The following NME7 variants were observed in gnomAD, a reference collection of about 807,000 sequenced individuals.
The protein encoded by NME7 is nucleoside diphosphate kinase 7.
Under a neutral mutation model 49.1 loss-of-function variants are expected in NME7, and 41 were observed. That is an observed-to-expected ratio of 0.83 (90% CI 0.65 to 1.08). The LOEUF (loss-of-function observed/expected upper bound fraction) is 1.08, where lower values mean the gene tolerates loss of function less well. Among genes scored for constraint, NME7 ranks in the 50% least tolerant of loss-of-function variants. The pLI is 0.00. For synonymous variants in NME7, 139 were observed against 150.6 expected (o/e 0.92, Z 0.56); for missense variants, 423 against 463.4 (o/e 0.91, Z 0.80).
intron 7 of NME7, among the ~76,000 whole-genome samples, chr1:169,252,018 C>A (rs1648647784): frequency 1.3e-5 from 2 of 149,384 alleles, no homozygotes; most frequent in African/African-American, 2.5e-5. Flanking sequence ...CCGCAATAAA[C>A]ATACGTGTGC....
intron 7 of NME7, among the ~76,000 whole-genome samples, chr1:169,279,351 C>T (rs1649898716): frequency 6.6e-6 from 1 of 152,228 alleles, no homozygotes; most frequent in African/African-American, 2.4e-5. Context: ...CCAGTTCGAG[C>T]TTCCAGGCTG....
chr1:169,239,071 C>A (rs982143551), intron 7 of NME7, among the ~76,000 whole-genome samples: 3 of 151,954 alleles, frequency 2.0e-5, no homozygotes, highest in Admixed American at 6.6e-5. Flanking sequence ...CAAAAAGAAA[C>A]ACTGCCAAAA....
At chr1:169,179,149 TA>T (rs1245500109) in intron 10 of NME7, among the ~76,000 whole-genome samples, 4 of 152,134 alleles carry the variant, frequency 2.6e-5, no homozygotes, top group Non-Finnish European at 5.9e-5. Context: ...AGTGAAGTTA[TA>T]AAAGTACCAT....
At chr1:169,247,574 C>T (rs1284609068) in intron 7 of NME7, among the ~76,000 whole-genome samples, 1 of 152,026 alleles carries the variant, frequency 6.6e-6, no homozygotes, top group Non-Finnish European at 1.5e-5. Flanking sequence ...GATTTTAGTG[C>T]ACCCATCATC....
chr1:169,298,624 C>T lies in NME7; in HGVS notation c.580G>A (p.Ala194Thr), dbSNP rs1171523177. The change falls in exon 6 of 12, where the codon GCC becomes ACC. Residue 194 changes from alanine to threonine, a missense_variant. Transcript: ENST00000367811. Reference sequence around the variant, plus strand: ...CTTATGCCATCTGTTCCAAAGAGGGCTCTAATGCTTTCAGAAGCATCTGTG... The same window carrying T: ...CTTATGCCATCTGTTCCAAAGAGGGTTCTAATGCTTTCAGAAGCATCTGTG... ...ARTDASESIR[A>T]LFGTDGIRNA... is the part of the protein sequence containing the mutation. 6 of 1,613,886 alleles carry T rather than the reference C, an allele frequency of 3.7e-6. No individual in the cohort carries two copies. Among genetic ancestry groups the T allele is most frequent in the Non-Finnish European group, 5.1e-6 (6 of 1,179,936 alleles).
At chr1:169,162,071 C>T (rs375434189) in intron 11 of NME7, among the ~76,000 whole-genome samples, 3 of 152,222 alleles carry the variant, frequency 2.0e-5, no homozygotes, top group East Asian at 1.9e-4. Context: ...ACAAGAGGAC[C>T]GTTTTCTACA....
intron 1 of NME7, among the ~76,000 whole-genome samples, chr1:169,343,490 T>A (rs1164426514): frequency 1.3e-5 from 2 of 151,206 alleles, no homozygotes; most frequent in Non-Finnish European, 2.9e-5. Flanking sequence ...CATTACATTG[T>A]CTCTTTTTTT....
intron 10 of NME7, among the ~76,000 whole-genome samples, chr1:169,187,501 A>G (rs1200077): frequency 0.64 from 96,540 of 151,946 alleles, 30,977 homozygotes; most frequent in East Asian, 0.93. Context: ...ATTATGTAAT[A>G]CCCTTCTTTG....
chr1:169,339,955 T>G (rs1332107349), intron 1 of NME7, among the ~76,000 whole-genome samples: 1 of 152,226 alleles, frequency 6.6e-6, no homozygotes, highest in Non-Finnish European at 1.5e-5. Context: ...CCATTACAGC[T>G]GCTCTCTGGT....
intron 11 of NME7, among the ~76,000 whole-genome samples, chr1:169,147,229 T>G (rs1658783111): frequency 6.6e-6 from 1 of 152,240 alleles, no homozygotes; most frequent in East Asian, 1.9e-4. Flanking sequence ...AGTAAATATC[T>G]AATCATTCTA....
chr1:169,154,529 C>G (rs1659007753), intron 11 of NME7, among the ~76,000 whole-genome samples: 1 of 151,808 alleles, frequency 6.6e-6, no homozygotes, highest in Admixed American at 6.6e-5. Context: ...AATCAGAGGC[C>G]AAGCACGGTG....
intron 6 of NME7, among the ~76,000 whole-genome samples, chr1:169,297,174 A>G (rs1441591990): frequency 2.6e-5 from 4 of 151,976 alleles, no homozygotes; most frequent in Admixed American, 2.0e-4. Flanking sequence ...GGGTTTTACC[A>G]TATTGGCCAG....
At chr1:169,353,515 C>T (rs186843597) in intron 1 of NME7, among the ~76,000 whole-genome samples, 1 of 152,048 alleles carries the variant, frequency 6.6e-6, no homozygotes, top group African/African-American at 2.4e-5. Flanking sequence ...CACCACCACA[C>T]AGGCACAGGC....
intron 1 of NME7, among the ~76,000 whole-genome samples, chr1:169,344,719 T>C (rs1007718425): frequency 6.6e-6 from 1 of 152,214 alleles, no homozygotes; most frequent in Admixed American, 6.5e-5. Flanking sequence ...CACTGGATCA[T>C]GGTATATAAT....
In NME7 at chr1:169,347,783, G is replaced by A. The variant is rs915799552; in HGVS notation, c.3+19925C>T. ...TTACTGCCACGTGTTAGAAAAATAC[G>A]TAATAAATAAGAATATCAGCAACTC... On this transcript the variant is annotated intron_variant, in intron 1 of 11. Transcript: ENST00000367811. Among the ~76,000 whole-genome samples, 6 of 152,096 alleles carry A rather than the reference G, an allele frequency of 3.9e-5. 1 individual carries two copies. In the South Asian group the frequency reaches 6.2e-4, roughly 16 times the overall value.
At chr1:169,248,034 T>C (rs745708468) in intron 7 of NME7, among the ~76,000 whole-genome samples, 20 of 152,188 alleles carry the variant, frequency 1.3e-4, no homozygotes, top group Non-Finnish European at 2.6e-4. Context: ...ACAGATCTAC[T>C]TTTAGTTCTT....
chr1:169,234,192 C>A (rs570511929), intron 9 of NME7, among the ~76,000 whole-genome samples: 1 of 152,112 alleles, frequency 6.6e-6, no homozygotes, highest in African/African-American at 2.4e-5. Flanking sequence ...AAAAAACAAC[C>A]TTTCTGTTTC....
At chr1:169,135,437 C>T (rs766331626) in intron 11 of NME7, among the ~76,000 whole-genome samples, 11 of 152,048 alleles carry the variant, frequency 7.2e-5, no homozygotes, top group African/African-American at 2.7e-4. Flanking sequence ...CAGAGGAGAA[C>T]CAAATAACAT....
At chr1:169,268,799 G>A (rs1342545794) in intron 7 of NME7, among the ~76,000 whole-genome samples, 4 of 132,474 alleles carry the variant, frequency 3.0e-5, no homozygotes, top group African/African-American at 1.0e-4. Flanking sequence ...GTGGAGGATT[G>A]GAGAAGGGAT....
Sources: gnomAD v4.1 joint callset for allele counts (sites outside exome capture counted in the v4.1 genomes callset) on GRCh38, gnomAD v4.1.1 for gene constraint, MANE v1.5 for transcripts, NCBI Gene and HGNC (gene_info 2026-07-23, HGNC 2026-07-21) for gene names.